CNKSR3: variants seen among roughly 807,000 people sequenced by gnomAD.
The protein encoded by CNKSR3 is connector enhancer of kinase suppressor of ras 3.
In CNKSR3, 36 loss-of-function variants were observed where a neutral mutation model predicts 67.7. That is an observed-to-expected ratio of 0.53 (90% confidence interval 0.41 to 0.70). CNKSR3 has a LOEUF of 0.70. Among genes scored for constraint, CNKSR3 ranks in the 30% least tolerant of loss-of-function variants. CNKSR3 has a pLI of 0.00. For missense variants in CNKSR3, 630 were observed against 695.2 expected (o/e 0.91, Z 1.05); for synonymous variants, 281 against 271.4 (o/e 1.04, Z -0.35).
chr6:154,510,579 C>T lies in CNKSR3; in HGVS notation c.-465G>A. 3 of 181,586 alleles carry T rather than the reference C, an allele frequency of 1.7e-5. No individual in the cohort carries two copies. The highest frequency in any genetic ancestry group is 1.1e-4 in the South Asian group (1 of 8,872). The allele number at this position is 181,586 out of a possible 1,614,324, so 11.2% of individuals were successfully genotyped here. A position where few individuals can be genotyped will look rare whatever the true frequency, so the allele number is the denominator to read the frequency against. On this transcript the variant is annotated 5_prime_UTR_variant, in exon 1 of 13. Coordinates refer to ENST00000607772, the MANE Select transcript of CNKSR3 (RefSeq NM_173515.4). The stretch of plus-strand genomic sequence containing the variant: ...CTGGCGTCCCGGAGCCTTCCCGGCG[C>T]AGGTCCCACCTCCTGCGCCGCCCTC...
At chr6:154,438,809 G>A (rs73574933) in intron 4 of CNKSR3, among the ~76,000 whole-genome samples, 10,384 of 152,110 alleles carry the variant, frequency 0.068, 1,174 homozygotes, top group African/African-American at 0.24. Context: ...GCATTATTTC[G>A]TTCATATAAC....
At chr6:154,414,812 G>T (rs1260652848) in intron 9 of CNKSR3, 1 of 480,668 alleles carries the variant, frequency 2.1e-6, no homozygotes, top group Non-Finnish European at 4.3e-6. Context: ...TACTAGCAAG[G>T]CTGGGCACGG....
At chr6:154,486,156 C>T (rs551740403) in intron 1 of CNKSR3, among the ~76,000 whole-genome samples, 2 of 152,304 alleles carry the variant, frequency 1.3e-5, no homozygotes, top group Admixed American at 6.5e-5. Flanking sequence ...CTACTCTACA[C>T]GTCAATATCG....
At chr6:154,435,690 C>T (rs184370453) in intron 4 of CNKSR3, among the ~76,000 whole-genome samples, 28 of 152,322 alleles carry the variant, frequency 1.8e-4, no homozygotes, top group Admixed American at 8.5e-4. Context: ...ACCAAGTCAC[C>T]GACCCTCCCA....
intron 1 of CNKSR3, among the ~76,000 whole-genome samples, chr6:154,457,856 C>G (rs778704093): frequency 3.9e-5 from 6 of 152,186 alleles, no homozygotes; most frequent in Non-Finnish European, 2.9e-5. Flanking sequence ...TCCTTTGGGA[C>G]CCGTCCTCTT....
intron 4 of CNKSR3, among the ~76,000 whole-genome samples, chr6:154,437,070 A>C (rs1325469067): frequency 6.6e-6 from 1 of 152,162 alleles, no homozygotes; most frequent in Non-Finnish European, 1.5e-5. Context: ...GAGAGATGGG[A>C]CAAGCAAATG....
rs1784783904 is a variant in CNKSR3, at chr6:154,406,173, T to C, written c.*181A>G. ...CCACAAGCCAGCACCTAAGATCCTC[T>C]GAATTTGTTCCCATCCAATCCTGCA... On this transcript the variant is annotated 3_prime_UTR_variant, in exon 13 of 13. Transcript: ENST00000607772. 2 of 617,538 alleles carry C rather than the reference T, an allele frequency of 3.2e-6. No individual in the cohort carries two copies. 38.3% of individuals were successfully genotyped at this position (617,538 alleles called of 1,614,324 possible). A position where few individuals can be genotyped will look rare whatever the true frequency, so the allele number is the denominator to read the frequency against.
intron 2 of CNKSR3, among the ~76,000 whole-genome samples, 155 bp downstream of exon 2, chr6:154,449,940 T>TG (rs1449208048): frequency 1.3e-4 from 10 of 75,430 alleles, no homozygotes; most frequent in Non-Finnish European, 1.8e-4. Context: ...GAAAATAACT[T>TG]ATTTTTCCCC....
intron 1 of CNKSR3, among the ~76,000 whole-genome samples, chr6:154,486,365 G>A (rs1021270931): frequency 6.6e-6 from 1 of 150,752 alleles, no homozygotes; most frequent in Admixed American, 6.6e-5. Flanking sequence ...GTGCGATCTC[G>A]GCTCATGGCA....
At chr6:154,422,460 G>A in intron 9 of CNKSR3, 46 bp downstream of exon 9, 1 of 1,570,466 alleles carries the variant, frequency 6.4e-7, no homozygotes, top group Non-Finnish European at 8.7e-7. Flanking sequence ...AGACTAATGA[G>A]ATACTCAACA....
intron 1 of CNKSR3, among the ~76,000 whole-genome samples, chr6:154,460,299 C>G (rs531186489): frequency 6.6e-6 from 1 of 152,158 alleles, no homozygotes; most frequent in Non-Finnish European, 1.5e-5. Flanking sequence ...CTTTGCTCCT[C>G]CCTCAAAAAA....
chr6:154,442,348 C>A lies in CNKSR3; in HGVS notation c.217-58G>T, dbSNP rs561604559. Reference sequence around the variant, plus strand: ...AAACAATGCACAATATTCGACAGGGCGCGGTGGCTCACGCCTGTAATCCTA... The same window carrying A: ...AAACAATGCACAATATTCGACAGGGAGCGGTGGCTCACGCCTGTAATCCTA... On this transcript the variant is annotated intron_variant, in intron 2 of 12. Transcript: ENST00000607772. 8 of 1,458,312 alleles carry A rather than the reference C, an allele frequency of 5.5e-6. No homozygotes were observed. In the South Asian group the frequency reaches 7.0e-5, roughly 13 times the overall value. The allele number at this position is 1,458,312 out of a possible 1,614,324, so 90.3% of individuals were successfully genotyped here.
At position 154,387,813 on chromosome 6, in the gene CNKSR3, TA is replaced by T. The variant is rs1562310203; in HGVS notation, c.*18540del. The T allele has an allele frequency of 3.3e-5, 5 of 152,240 alleles. No homozygotes were observed. Among genetic ancestry groups the T allele is most frequent in the Non-Finnish European group, 1.5e-5 (1 of 68,038 alleles). 9.4% of individuals were successfully genotyped at this position (152,240 alleles called of 1,614,324 possible). A position where few individuals can be genotyped will look rare whatever the true frequency, so the allele number is the denominator to read the frequency against. Reference sequence around the variant, plus strand: ...TCTATCATCAAATGTATTATGCATTTATTTTTTATCATTTGAAATAATAGCT... The same window carrying T: ...TCTATCATCAAATGTATTATGCATTTTTTTTTATCATTTGAAATAATAGCT... On this transcript the variant is annotated 3_prime_UTR_variant, in exon 13 of 13. Coordinates refer to ENST00000607772, the MANE Select transcript of CNKSR3 (RefSeq NM_173515.4).
chr6:154,484,017 G>A (rs1489403702), intron 1 of CNKSR3, among the ~76,000 whole-genome samples: 1 of 152,182 alleles, frequency 6.6e-6, no homozygotes, highest in East Asian at 1.9e-4. Flanking sequence ...GGGAAAGGGG[G>A]CCAATCAGAG....
chr6:154,422,747 C>A, intron 8 of CNKSR3, 95 bp from the exon 9 acceptor site: 1 of 1,398,840 alleles, frequency 7.1e-7, no homozygotes. Context: ...GGGTTGTGAG[C>A]AGATACATAG....
chr6:154,437,826 CT>C (rs1447889353), intron 4 of CNKSR3, among the ~76,000 whole-genome samples: 1 of 152,162 alleles, frequency 6.6e-6, no homozygotes, highest in Non-Finnish European at 1.5e-5. Flanking sequence ...ACATATCAGT[CT>C]TACTCCTTCA....
rs1784758130 is a variant in CNKSR3, at chr6:154,404,938, G to A, written c.*1416C>T. 1 of 152,164 alleles carries A rather than the reference G, an allele frequency of 6.6e-6. No homozygotes were observed. Among genetic ancestry groups the A allele is most frequent in the African/African-American group, 2.4e-5 (1 of 41,440 alleles). The allele number at this position is 152,164 out of a possible 1,614,324, so 9.4% of individuals were successfully genotyped here. A position where few individuals can be genotyped will look rare whatever the true frequency, so the allele number is the denominator to read the frequency against. The stretch of plus-strand genomic sequence containing the variant: ...TAACCACACCAGAAGCATTTTAAAG[G>A]GAAGATGTTTCCTAACTCCAGTGAT... On this transcript the variant is annotated 3_prime_UTR_variant, in exon 13 of 13. Coordinates refer to ENST00000607772, the MANE Select transcript of CNKSR3 (RefSeq NM_173515.4).
Position 154,395,730 on chromosome 6 carries a change from T to A in CNKSR3, c.*10624A>T, listed in dbSNP as rs1201959264. On this transcript the variant is annotated 3_prime_UTR_variant, in exon 13 of 13. Coordinates refer to ENST00000607772, the MANE Select transcript of CNKSR3 (RefSeq NM_173515.4). ...TTCACTATTTAGTCTACAGCCTATA[T>A]ATGCATGTACGTTTTGTTTGTTTGA... The A allele has an allele frequency of 6.6e-6, 1 of 152,210 alleles. No individual in the cohort carries two copies. Among genetic ancestry groups the A allele is most frequent in the African/African-American group, 2.4e-5 (1 of 41,428 alleles). 9.4% of individuals were successfully genotyped at this position (152,210 alleles called of 1,614,324 possible).
At chr6:154,465,431 TTAA>T (rs1786176877) in intron 1 of CNKSR3, among the ~76,000 whole-genome samples, 1 of 151,870 alleles carries the variant, frequency 6.6e-6, no homozygotes, top group African/African-American at 2.4e-5. Flanking sequence ...TTTCTAAGAC[TTAA>T]TATATATATA....
Sources: gnomAD v4.1 joint callset for allele counts (sites outside exome capture counted in the v4.1 genomes callset) on GRCh38, gnomAD v4.1.1 for gene constraint, MANE v1.5 for transcripts, NCBI Gene and HGNC (gene_info 2026-07-23, HGNC 2026-07-21) for gene names.